CADM1: variants seen among roughly 807,000 people sequenced by gnomAD.
The protein encoded by CADM1 is cell adhesion molecule 1.
In CADM1, 15 loss-of-function variants were observed where a neutral mutation model predicts 53.1. That is an observed-to-expected ratio of 0.28 (90% CI 0.19 to 0.44). The LOEUF is 0.44. Ranked by LOEUF, CADM1 falls within the 20% of genes least tolerant of loss-of-function variation. CADM1 has a pLI of 1.00. For synonymous variants in CADM1, 281 were observed against 243.0 expected (o/e 1.16, Z -1.45); for missense variants, 434 against 611.3 (o/e 0.71, Z 3.06).
intron 1 of CADM1, among the ~76,000 whole-genome samples, chr11:115,456,324 C>T (rs1306296437): frequency 6.6e-6 from 1 of 151,714 alleles, no homozygotes; most frequent in African/African-American, 2.4e-5. Context: ...AAAAAAACTG[C>T]ATATAAAGTA....
intron 1 of CADM1, among the ~76,000 whole-genome samples, chr11:115,383,848 A>C (rs1177715696): frequency 6.6e-6 from 1 of 152,160 alleles, no homozygotes; most frequent in Admixed American, 6.5e-5. Flanking sequence ...TGAATTTTTA[A>C]GTTAATCATC....
At chr11:115,234,704 C>A (rs574527345) in intron 3 of CADM1, among the ~76,000 whole-genome samples, 8 of 151,996 alleles carry the variant, frequency 5.3e-5, no homozygotes, top group African/African-American at 1.9e-4. Context: ...ACCAGCCTGG[C>A]CAACATGGTG....
At position 115,214,625 on chromosome 11, in the gene CADM1, T is replaced by C; in HGVS notation, c.977A>G (p.Tyr326Cys). Residue 326 changes from tyrosine (Y) to cysteine (C), a missense_variant, in exon 7 of 12, where the codon TAT becomes TGT. Transcript: ENST00000331581. ...SNIVGKAHSD[Y>C]MLYVYDPPTT... The stretch of plus-strand genomic sequence containing the variant: ...TCACGTACCGTATACATACAGCATA[T>C]AATCCGAGTGAGCTTTCCCCACTAT... The C allele has an allele frequency of 6.2e-7, 1 of 1,613,998 alleles. No homozygotes were observed. The highest frequency in any genetic ancestry group is 1.3e-5 in the African/African-American group (1 of 75,054).
At chr11:115,503,427 C>A (rs368412206) in intron 1 of CADM1, among the ~76,000 whole-genome samples, 1 of 152,176 alleles carries the variant, frequency 6.6e-6, no homozygotes, top group African/African-American at 2.4e-5. Flanking sequence ...CCGCGACGCC[C>A]CCTCCGCCAC....
intron 1 of CADM1, among the ~76,000 whole-genome samples, chr11:115,483,696 T>A (rs1949305477): frequency 6.6e-6 from 1 of 152,188 alleles, no homozygotes; most frequent in South Asian, 2.1e-4. Flanking sequence ...CCGATGAGCA[T>A]GAGAATTTGG....
chr11:115,268,177 G>A (rs1161602453), intron 1 of CADM1, among the ~76,000 whole-genome samples: 1 of 152,190 alleles, frequency 6.6e-6, no homozygotes, highest in Non-Finnish European at 1.5e-5. Flanking sequence ...CAGCTGGCTT[G>A]GGGTAAGAGA....
intron 1 of CADM1, among the ~76,000 whole-genome samples, chr11:115,302,142 G>A (rs1354171494): frequency 6.6e-6 from 1 of 151,878 alleles, no homozygotes; most frequent in African/African-American, 2.4e-5. Context: ...CACACACCGG[G>A]GCCTATTGGA....
In CADM1 at chr11:115,169,690, G is replaced by A; in HGVS notation, c.*6784C>T. 1 of 455,016 alleles carries A rather than the reference G, an allele frequency of 2.2e-6. No individual in the cohort carries two copies. The highest frequency in any genetic ancestry group is 2.4e-5 in the Admixed American group (1 of 42,380). The allele number at this position is 455,016 out of a possible 1,614,324, so 28.2% of individuals were successfully genotyped here. A position where few individuals can be genotyped will look rare whatever the true frequency, so the allele number is the denominator to read the frequency against. On this transcript the variant is annotated 3_prime_UTR_variant, in exon 12 of 12. Transcript: ENST00000331581. The stretch of plus-strand genomic sequence containing the variant: ...ATAGTAATTTCGTCACTAGCTAACA[G>A]AGACTGATTAGTGCAGAAGATTCCC...
chr11:115,235,819 T>C (rs904215710), intron 3 of CADM1, among the ~76,000 whole-genome samples: 1 of 152,182 alleles, frequency 6.6e-6, no homozygotes, highest in Non-Finnish European at 1.5e-5. Flanking sequence ...TACCAGTAAC[T>C]ATATTAATCT....
intron 1 of CADM1, among the ~76,000 whole-genome samples, chr11:115,252,408 A>T (rs1424909826): frequency 1.3e-5 from 2 of 151,864 alleles, no homozygotes; most frequent in Non-Finnish European, 2.9e-5. Context: ...AATCTGCTGA[A>T]TTTTTTTTTA....
At chr11:115,487,838 T>A (rs1392983459) in intron 1 of CADM1, among the ~76,000 whole-genome samples, 1 of 152,222 alleles carries the variant, frequency 6.6e-6, no homozygotes, top group Admixed American at 6.5e-5. Flanking sequence ...TCTTCTTGGA[T>A]AATACCAATC....
intron 8 of CADM1, among the ~76,000 whole-genome samples, chr11:115,199,955 G>A (rs1310214524): frequency 6.6e-6 from 1 of 152,072 alleles, no homozygotes; most frequent in African/African-American, 2.4e-5. Context: ...TTTTTTGGGG[G>A]GCAAATGAGC....
chr11:115,367,308 A>G (rs372415156), intron 1 of CADM1, among the ~76,000 whole-genome samples: 49 of 152,318 alleles, frequency 3.2e-4, no homozygotes, highest in Middle Eastern at 3.4e-3. Context: ...TTAAAAAACA[A>G]ACAAGGTGTG....
chr11:115,488,096 T>C (rs1001137222), intron 1 of CADM1, among the ~76,000 whole-genome samples: 11 of 151,272 alleles, frequency 7.3e-5, no homozygotes, highest in Admixed American at 5.3e-4. Context: ...AAGGAAGACA[T>C]AGCATTCCTC....
rs148209064 is a variant in CADM1 at position 115,407,873 on chromosome 11, TAAAAAAAA to T, written c.124+96390_124+96397del. Among the ~76,000 whole-genome samples the T allele has an allele frequency of 1.5e-3, 47 of 31,746 alleles. 1 individual carries two copies. The highest frequency in any genetic ancestry group is 2.5e-4 in the Non-Finnish European group (5 of 19,946). The allele number at this position is 31,746 out of a possible 152,430, so 20.8% of individuals were successfully genotyped here. A position where few individuals can be genotyped will look rare whatever the true frequency, so the allele number is the denominator to read the frequency against. ...AGAAGGAAAGTAAGACCCTGTCATT[TAAAAAAAA>T]AAAAAAAAAAAAAAAAAAAAAAAAA... is the stretch of plus-strand genomic sequence containing the variant. On this transcript the variant is annotated intron_variant, in intron 1 of 11. Transcript: ENST00000331581.
intron 1 of CADM1, among the ~76,000 whole-genome samples, chr11:115,337,858 G>A (rs562889837): frequency 7.9e-5 from 12 of 152,112 alleles, no homozygotes; most frequent in African/African-American, 1.2e-4. Flanking sequence ...ATACTGATAC[G>A]TCTAGTAATA....
chr11:115,172,139 C>T lies in CADM1; in HGVS notation c.*4335G>A, dbSNP rs11606838. On this transcript the variant is annotated 3_prime_UTR_variant, in exon 12 of 12. Transcript: ENST00000331581. ...AGCCAGGTAGGCTGGGCTACTCACCCGAGGTTTCACTGCTACATGGTGGGA... is the reference window on the plus strand; with the variant it reads ...AGCCAGGTAGGCTGGGCTACTCACCTGAGGTTTCACTGCTACATGGTGGGA... 4.6e-5 allele frequency: 7 copies of T among 152,114 alleles called. No individual in the cohort carries two copies. The highest frequency in any genetic ancestry group is 7.3e-5 in the Non-Finnish European group (5 of 68,078). 9.4% of individuals were successfully genotyped at this position (152,114 alleles called of 1,614,324 possible). A position where few individuals can be genotyped will look rare whatever the true frequency, so the allele number is the denominator to read the frequency against.
chr11:115,202,457 C>T (rs150675616), intron 8 of CADM1, among the ~76,000 whole-genome samples: 1 of 152,072 alleles, frequency 6.6e-6, no homozygotes, highest in East Asian at 1.9e-4. Context: ...AATTGATCTG[C>T]GGTGCTCCTG....
chr11:115,273,567 C>CT (rs1943362859), intron 1 of CADM1, among the ~76,000 whole-genome samples: 2 of 152,028 alleles, frequency 1.3e-5, no homozygotes, highest in South Asian at 4.1e-4. Flanking sequence ...AACCAAAGAA[C>CT]TAGGTACCTT....
Sources: allele counts gnomAD v4.1 joint callset (sites outside exome capture counted in the v4.1 genomes callset), GRCh38; gene constraint gnomAD v4.1.1; transcripts MANE v1.5; gene names NCBI Gene and HGNC (gene_info 2026-07-23, HGNC 2026-07-21).